ADAMTS9: variants seen among roughly 807,000 people sequenced by gnomAD.
The protein encoded by ADAMTS9 is ADAM metallopeptidase with thrombospondin type 1 motif 9.
A neutral mutation model predicts 257.1 loss-of-function variants in ADAMTS9; 107 were observed. The ratio of observed to expected loss-of-function variants is 0.42; its 90% confidence interval spans 0.36 to 0.49. The LOEUF (loss-of-function observed/expected upper bound fraction) is 0.49. Among genes scored for constraint, ADAMTS9 ranks in the 20% least tolerant of loss-of-function variants. ADAMTS9 has a pLI of 0.03. For missense variants in ADAMTS9, 2,353 were observed against 2,469.1 expected (o/e 0.95, Z 1.00); for synonymous variants, 982 against 880.9 (o/e 1.11, Z -2.03).
At chr3:64,628,555 C>T (rs1259772391) in intron 16 of ADAMTS9, among the ~76,000 whole-genome samples, 1 of 152,100 alleles carries the variant, frequency 6.6e-6, no homozygotes, top group African/African-American at 2.4e-5. Context: ...CCCCATTCTG[C>T]AGCTGTGCAA....
chr3:64,650,898 A>G, intron 9 of ADAMTS9, 119 bp downstream of exon 9: 1 of 887,198 alleles, frequency 1.1e-6, no homozygotes, highest in Non-Finnish European at 1.6e-6. Flanking sequence ...TTCTCCAAGG[A>G]ATGTCAACAA....
intron 32 of ADAMTS9, among the ~76,000 whole-genome samples, chr3:64,542,430 C>CTTTTTTTTTTTTT (rs56812239): frequency 4.0e-5 from 5 of 124,536 alleles, no homozygotes; most frequent in East Asian, 4.9e-4. Flanking sequence ...TTCTTTCTTT[C>CTTTTTTTTTTTTT]TTTTTTTTTT....
At chr3:64,535,603 G>C (rs2106899188) in intron 37 of ADAMTS9, among the ~76,000 whole-genome samples, 1 of 144,830 alleles carries the variant, frequency 6.9e-6, no homozygotes, top group South Asian at 2.2e-4. Context: ...ACCTAGGCTG[G>C]AGTGCAGTCG....
intron 29 of ADAMTS9, among the ~76,000 whole-genome samples, chr3:64,565,253 C>T (rs2083513467): frequency 6.6e-6 from 1 of 152,222 alleles, no homozygotes; most frequent in Non-Finnish European, 1.5e-5. Flanking sequence ...CACAATACAG[C>T]TGCTCTAATT....
chr3:64,615,830 G>A, intron 20 of ADAMTS9, 130 bp downstream of exon 20: 1 of 1,092,852 alleles, frequency 9.2e-7, no homozygotes, highest in South Asian at 1.4e-5. Context: ...CTTGAATGGG[G>A]TCAGGCATTA....
intron 28 of ADAMTS9, among the ~76,000 whole-genome samples, chr3:64,569,590 A>C (rs1263593154): frequency 1.3e-5 from 2 of 152,244 alleles, no homozygotes; most frequent in African/African-American, 4.8e-5. Context: ...CATGTGAAAC[A>C]TGTAACTCAT....
chr3:64,639,315 A>ATTTTTTT (rs1458635047), intron 12 of ADAMTS9, among the ~76,000 whole-genome samples: 13 of 63,756 alleles, frequency 2.0e-4, no homozygotes, highest in African/African-American at 6.2e-4. Context: ...TTTTTTTTAA[A>ATTTTTTT]AAAAAAAAAA....
At chr3:64,536,692 T>C (rs1220746266) in intron 37 of ADAMTS9, among the ~76,000 whole-genome samples, 1 of 152,184 alleles carries the variant, frequency 6.6e-6, no homozygotes, top group Non-Finnish European at 1.5e-5. Flanking sequence ...GGCATTTTCA[T>C]AGAATACTGT....
At chr3:64,519,091 A>C (rs2082818647) in intron 39 of ADAMTS9, among the ~76,000 whole-genome samples, 1 of 152,082 alleles carries the variant, frequency 6.6e-6, no homozygotes, top group Non-Finnish European at 1.5e-5. Context: ...TCATGATCTT[A>C]AGCAAGTTAC....
At chr3:64,564,973 G>A (rs946425750) in intron 29 of ADAMTS9, among the ~76,000 whole-genome samples, 1 of 152,294 alleles carries the variant, frequency 6.6e-6, no homozygotes, top group East Asian at 1.9e-4. Flanking sequence ...GTGCGTTTGC[G>A]ATCCCAGTTT....
chr3:64,544,037 C>T (rs1259180017), intron 32 of ADAMTS9, among the ~76,000 whole-genome samples: 109 of 145,962 alleles, frequency 7.5e-4, no homozygotes, highest in South Asian at 2.2e-3. Flanking sequence ...GAATAAAATA[C>T]CTAGGAATCC....
rs752772355 is a variant in ADAMTS9 at position 64,647,983 on chromosome 3, T to C, written c.1667A>G (p.Gln556Arg). 1 of 1,613,964 alleles carries C rather than the reference T, an allele frequency of 6.2e-7. No individual in the cohort carries two copies. ...CGTCCCATCGGCCCAGGGTGTGTGCTGAGTCCGGCAGCCTTTGTGTACTCC... is the reference window on the plus strand; with the variant it reads ...CGTCCCATCGGCCCAGGGTGTGTGCCGAGTCCGGCAGCCTTTGTGTACTCC... ...VNGVHKGCRT[Q>R]HTPWADGTEC... Residue 556 changes from glutamine to arginine, a missense_variant, in exon 11 of 40, where the codon CAG (glutamine) becomes CGG (arginine). Transcript: ENST00000498707.
In ADAMTS9 at chr3:64,516,342, C is replaced by T. The variant is rs760842253; in HGVS notation, c.*785G>A. ...ACCAAGGCACCGTGGGCTGAAGCAA[C>T]GAATATTAACAACACTAACAACAAT... On this transcript the variant is annotated 3_prime_UTR_variant, in exon 40 of 40. Transcript: ENST00000498707. The T allele has an allele frequency of 2.0e-5, 3 of 152,528 alleles. No individual in the cohort carries two copies. The highest frequency in any genetic ancestry group is 4.2e-4 in the South Asian group (2 of 4,800). 9.4% of individuals were successfully genotyped at this position (152,528 alleles called of 1,614,324 possible). A position where few individuals can be genotyped will look rare whatever the true frequency, so the allele number is the denominator to read the frequency against.
At chr3:64,643,456 T>TTTTTTTTTTTTTG in intron 11 of ADAMTS9, among the ~76,000 whole-genome samples, 1 of 132,912 alleles carries the variant, frequency 7.5e-6, no homozygotes, top group African/African-American at 2.9e-5. Context: ...TTTTTTTTTT[T>TTTTTTTTTTTTTG]TTTTTTTTTT....
chr3:64,681,912 T>C (rs185026215), intron 2 of ADAMTS9, among the ~76,000 whole-genome samples: 33 of 152,066 alleles, frequency 2.2e-4, no homozygotes, highest in African/African-American at 7.2e-4. Flanking sequence ...GTCGAAAGAG[T>C]CTTGGAAACT....
intron 20 of ADAMTS9, 88 bp from the exon 21 acceptor site, chr3:64,615,573 C>G: frequency 7.4e-7 from 1 of 1,355,468 alleles, no homozygotes; most frequent in Non-Finnish European, 9.9e-7. Context: ...TCTTCCAGCT[C>G]TTAAGAAACA....
chr3:64,600,732 G>A (rs1040029061), intron 26 of ADAMTS9, among the ~76,000 whole-genome samples: 2 of 152,184 alleles, frequency 1.3e-5, no homozygotes, highest in Non-Finnish European at 2.9e-5. Context: ...GGATAGCGAG[G>A]GTCTTGGGCA....
At chr3:64,542,123 A>G (rs146061112) in intron 32 of ADAMTS9, among the ~76,000 whole-genome samples, 153 bp from the exon 33 acceptor site, 1 of 152,280 alleles carries the variant, frequency 6.6e-6, no homozygotes, top group Non-Finnish European at 1.5e-5. Flanking sequence ...TTTACTGAGC[A>G]CTTACTATGG....
chr3:64,544,461 A>G (rs1451253630), intron 32 of ADAMTS9, among the ~76,000 whole-genome samples: 1 of 152,140 alleles, frequency 6.6e-6, no homozygotes, highest in Non-Finnish European at 1.5e-5. Flanking sequence ...ATAACACCAC[A>G]CATCTACAAC....
Sources: gnomAD v4.1 joint callset for allele counts (sites outside exome capture counted in the v4.1 genomes callset) on GRCh38, gnomAD v4.1.1 for gene constraint, MANE v1.5 for transcripts, NCBI Gene and HGNC (gene_info 2026-07-23, HGNC 2026-07-21) for gene names.